The following SLIT1 variants were observed in gnomAD, a reference collection of about 807,000 sequenced individuals.
The protein encoded by SLIT1 is slit homolog 1 protein.
A neutral mutation model predicts 186.1 loss-of-function variants in SLIT1; 66 were observed. The ratio of observed to expected loss-of-function variants is 0.35; its 90% CI spans 0.29 to 0.44. The LOEUF (loss-of-function observed/expected upper bound fraction) is 0.44. Among genes scored for constraint, SLIT1 ranks in the 20% least tolerant of loss-of-function variants. The pLI is 1.00. For missense variants in SLIT1, 1,638 were observed against 2,037.4 expected (o/e 0.80, Z 3.77); for synonymous variants, 761 against 833.8 (o/e 0.91, Z 1.50).
chr10:97,083,616 T>C (rs184548781), intron 4 of SLIT1, among the ~76,000 whole-genome samples: 1 of 152,338 alleles, frequency 6.6e-6, no homozygotes, highest in Admixed American at 6.5e-5. Flanking sequence ...AAAAATGGCA[T>C]ACGGTTCACA....
chr10:97,123,715 C>T (rs535613344), intron 4 of SLIT1, among the ~76,000 whole-genome samples: 7 of 150,494 alleles, frequency 4.7e-5, no homozygotes, highest in African/African-American at 1.2e-4. Context: ...ACTTGAACCT[C>T]GGAGGCGGAG....
intron 4 of SLIT1, among the ~76,000 whole-genome samples, chr10:97,089,745 G>A (rs1314966455): frequency 6.6e-6 from 1 of 152,136 alleles, no homozygotes; most frequent in Non-Finnish European, 1.5e-5. Context: ...TCATCGTGGA[G>A]GGGTGGGGTT....
At chr10:97,085,618 C>A (rs565877022) in intron 4 of SLIT1, among the ~76,000 whole-genome samples, 1 of 152,216 alleles carries the variant, frequency 6.6e-6, no homozygotes, top group South Asian at 2.1e-4. Context: ...AAACTCCTGA[C>A]CCCGTGATCC....
chr10:97,037,048 T>TGTGTGTG (rs1231769870), intron 22 of SLIT1, among the ~76,000 whole-genome samples: 1 of 116,882 alleles, frequency 8.6e-6, no homozygotes, highest in African/African-American at 3.5e-5. Flanking sequence ...ATAACCCCCT[T>TGTGTGTG]TGTGTGTGTG....
chr10:97,147,890 G>A (rs537736968), intron 4 of SLIT1, among the ~76,000 whole-genome samples: 1 of 152,184 alleles, frequency 6.6e-6, no homozygotes, highest in Non-Finnish European at 1.5e-5. Flanking sequence ...TTCCACTGGA[G>A]TCCAGTTCTT....
chr10:97,049,239 G>A, intron 13 of SLIT1, 121 bp from the exon 14 acceptor site: 1 of 1,143,754 alleles, frequency 8.7e-7, no homozygotes, highest in Middle Eastern at 2.6e-4. Context: ...TGGAGCCTAG[G>A]GTCAGCCACG....
intron 23 of SLIT1, among the ~76,000 whole-genome samples, chr10:97,032,524 G>A (rs1244041178): frequency 6.0e-5 from 9 of 150,958 alleles, no homozygotes; most frequent in African/African-American, 1.5e-4. Flanking sequence ...AGCCAAAATC[G>A]CGCCACTGCA....
intron 4 of SLIT1, among the ~76,000 whole-genome samples, chr10:97,135,959 G>C (rs1849698940): frequency 1.3e-5 from 2 of 152,306 alleles, no homozygotes; most frequent in Non-Finnish European, 2.9e-5. Flanking sequence ...GGACCCCTGG[G>C]TGGGCTCCTG....
chr10:97,057,146 G>A, intron 12 of SLIT1, 64 bp downstream of exon 12: 1 of 1,322,742 alleles, frequency 7.6e-7, no homozygotes, highest in Non-Finnish European at 1.1e-6. Context: ...GGACAGTCTA[G>A]CAGGCCAGAG....
Position 97,042,989 on chromosome 10 carries a change from C to G in SLIT1, c.2076G>C (p.Val692=). The change falls in exon 20 of 37, where the codon GTG becomes GTC. Residue 692 remains valine, a synonymous_variant. Coordinates refer to ENST00000266058, the MANE Select transcript of SLIT1 (RefSeq NM_003061.3). The part of the protein sequence containing the change: ...LGGWLRKRKI[V]TGNPRCQNPD... ...GGTTCTGGCATCGCGGGTTCCCCGT[C>G]ACGATCTTGCGCTTCCGTAGCCAGC... 8 of 1,614,262 alleles carry G rather than the reference C, an allele frequency of 5.0e-6. No homozygotes were observed. Among genetic ancestry groups the G allele is most frequent in the Non-Finnish European group, 6.8e-6 (8 of 1,180,050 alleles).
chr10:97,104,057 T>G (rs931051616), intron 4 of SLIT1, among the ~76,000 whole-genome samples: 3 of 151,776 alleles, frequency 2.0e-5, no homozygotes, highest in Admixed American at 6.6e-5. Flanking sequence ...TCATATTCTG[T>G]GGGGTAGCGG....
At chr10:97,088,672 A>T (rs554985355) in intron 4 of SLIT1, among the ~76,000 whole-genome samples, 6 of 152,336 alleles carry the variant, frequency 3.9e-5, no homozygotes, top group Admixed American at 2.6e-4. Context: ...ATCTGTGTGG[A>T]TGTGCCCAAA....
At chr10:97,083,723 A>G (rs964143157) in intron 4 of SLIT1, among the ~76,000 whole-genome samples, 3 of 152,136 alleles carry the variant, frequency 2.0e-5, no homozygotes, top group African/African-American at 7.2e-5. Context: ...CAGAATTCCT[A>G]TGAGTGTCTC....
At chr10:97,065,902 G>A in intron 5 of SLIT1, 113 bp downstream of exon 5, 2 of 774,238 alleles carry the variant, frequency 2.6e-6, no homozygotes, top group Admixed American at 4.2e-5. Context: ...TGAGAGCCCA[G>A]GTCAGCTCCC....
intron 31 of SLIT1, among the ~76,000 whole-genome samples, chr10:97,008,683 CA>C (rs1229737081): frequency 7.9e-6 from 1 of 127,304 alleles, no homozygotes; most frequent in Non-Finnish European, 1.6e-5. Flanking sequence ...GAAACAAGAG[CA>C]AAACTCTGTC....
At position 97,185,475 on chromosome 10, in the gene SLIT1, C is replaced by T; in HGVS notation, c.197+3G>A. 6.2e-7 allele frequency: 1 copy of T among 1,610,906 alleles called. No homozygotes were observed. The highest frequency in any genetic ancestry group is 1.3e-5 in the African/African-American group (1 of 74,922). ...GGGAGCCAGGGGCGGGGACCATACT[C>T]ACAGGCGCTCGGTGTTCCGAGGTAT... On this transcript the variant is annotated splice_donor_region_variant and intron_variant, in intron 1 of 36. Transcript: ENST00000266058.
At chr10:97,086,409 A>G (rs1466964404) in intron 4 of SLIT1, among the ~76,000 whole-genome samples, 1 of 146,670 alleles carries the variant, frequency 6.8e-6, no homozygotes, top group Non-Finnish European at 1.5e-5. Flanking sequence ...GTCTCTACTA[A>G]AAAAAAAAAA....
chr10:97,043,465 C>G lies in SLIT1; in HGVS notation c.1902G>C (p.Thr634=). The G allele has an allele frequency of 1.2e-6, 2 of 1,613,900 alleles. No homozygotes were observed. The highest frequency in any genetic ancestry group is 1.7e-6 in the Non-Finnish European group (2 of 1,179,988). The change falls in exon 19 of 37, where the codon ACG becomes ACC. Residue 634 remains threonine, a synonymous_variant. Coordinates refer to ENST00000266058, the MANE Select transcript of SLIT1 (RefSeq NM_003061.3). The surrounding 1 kb of genome is among the most constrained non-coding windows in gnomAD (Gnocchi z 7.0). ...AGAGGAGCCGGACGTTGCGCAGGCC[C>G]GTGAAGCTGTCGTTGTGGATGCAGC... The part of the protein sequence containing the change: ...RISCIHNDSF[T]GLRNVRLLSL...
chr10:97,176,601 T>A (rs1176044758), intron 1 of SLIT1, among the ~76,000 whole-genome samples: 5 of 152,226 alleles, frequency 3.3e-5, no homozygotes, highest in Admixed American at 2.6e-4. Context: ...CCCAGGAAAC[T>A]GCTCTGCCCA....
Sources: gnomAD v4.1 joint callset for allele counts (sites outside exome capture counted in the v4.1 genomes callset) on GRCh38, gnomAD v4.1.1 for gene constraint, Gnocchi (gnomAD v3.1) non-coding constraint, MANE v1.5 for transcripts, NCBI Gene and HGNC (gene_info 2026-07-23, HGNC 2026-07-21) for gene names.